Variants in HLA-DMB observed in about 807,000 individuals in gnomAD.
HLA-DMB encodes the protein major histocompatibility complex, class II, DM beta, also known as HLA class II histocompatibility antigen, DM beta chain.
Under a neutral mutation model 29.3 loss-of-function variants are expected in HLA-DMB, and 18 were observed. That is an observed-to-expected ratio of 0.62 (90% CI 0.43 to 0.91). The LOEUF (loss-of-function observed/expected upper bound fraction) is 0.91, where lower values mean the gene tolerates loss of function less well. HLA-DMB is among the 40% of genes least tolerant of loss of function. The pLI is 0.00. For missense variants in HLA-DMB, 258 were observed against 320.9 expected, an observed-to-expected ratio of 0.80 and a Z score of 1.50; for synonymous variants, 143 against 128.7, an observed-to-expected ratio of 1.11 and a Z score of -0.75.
In HLA-DMB at chr6:32,940,895, G is replaced by A. The variant is rs1472892563; in HGVS notation, c.-88C>T. The A allele has an allele frequency of 2.0e-6, 2 of 1,019,700 alleles. No individual in the cohort carries two copies. Among genetic ancestry groups the A allele is most frequent in the Non-Finnish European group, 3.0e-6 (2 of 672,352 alleles). 63.2% of individuals were successfully genotyped at this position (1,019,700 alleles called of 1,614,324 possible). ...GTCCTCGCCTGTCCCAGAAGCCCCA[G>A]CCTGGGTAGATGATCTCCAGACACT... On this transcript the variant is annotated 5_prime_UTR_variant, in exon 1 of 6. Transcript: ENST00000418107.
Position 32,940,955 on chromosome 6 carries a change from C to A in HLA-DMB, c.-148G>T. On this transcript the variant is annotated 5_prime_UTR_variant, in exon 1 of 6. Coordinates refer to ENST00000418107, the MANE Select transcript of HLA-DMB (RefSeq NM_002118.5). ...ACTATATTGCCCGGGTCCCTTGACC[C>A]CCCAAATGAGTGATGTGGGGATACC... The A allele has an allele frequency of 1.7e-6, 1 of 582,938 alleles. No individual in the cohort carries two copies. The highest frequency in any genetic ancestry group is 3.1e-6 in the Non-Finnish European group (1 of 325,582). 36.1% of individuals were successfully genotyped at this position (582,938 alleles called of 1,614,324 possible).
chr6:32,937,267 G>A lies in HLA-DMB; in HGVS notation c.527C>T (p.Thr176Ile), dbSNP rs1350355230. ...AQPNGDWTYQ[T>I]LSHLALTPSY... ...GGGGGTTAAGGCTAAATGGGAGAGGGTCTGGTATGTCCAGTCTCCATTGGG... is the reference window on the plus strand; with the variant it reads ...GGGGGTTAAGGCTAAATGGGAGAGGATCTGGTATGTCCAGTCTCCATTGGG... Residue 176 changes from threonine (T) to isoleucine (I), a missense_variant, in exon 3 of 6, where the codon ACC becomes ATC. Thr to Ile is a moderately conservative substitution (Grantham distance 89). Coordinates refer to ENST00000418107, the MANE Select transcript of HLA-DMB (RefSeq NM_002118.5). This position sits in a 1 kb window ranked among gnomAD's most constrained non-coding sequence, Gnocchi z 4.1. 1 of 1,614,148 alleles carries A rather than the reference G, an allele frequency of 6.2e-7. No homozygotes were observed. Among genetic ancestry groups the A allele is most frequent in the Non-Finnish European group, 8.5e-7 (1 of 1,180,002 alleles).
chr6:32,935,720 C>T (rs1775963060), intron 3 of HLA-DMB, 68 bp from the exon 4 acceptor site: 9 of 1,111,166 alleles, frequency 8.1e-6, no homozygotes, highest in South Asian at 7.6e-5. Context: ...CCATTTATTG[C>T]AGCCACCTCT....
At position 32,937,218 on chromosome 6, in the gene HLA-DMB, A is replaced by G; in HGVS notation, c.576T>C (p.Cys192=). Residue 192 remains cysteine (C), a synonymous_variant, in exon 3 of 6, where the codon TGT becomes TGC. Transcript: ENST00000418107. The surrounding 1 kb of genome is among the most constrained non-coding windows in gnomAD (Gnocchi z 4.1). ...LTPSYGDTYT[C]VVEHTGAPEP... ...CAGGAGCCCCAGTGTGCTCTACCACACAGGTGTAAGTGTCCCCGTAAGAGG... is the reference window on the plus strand; with the variant it reads ...CAGGAGCCCCAGTGTGCTCTACCACGCAGGTGTAAGTGTCCCCGTAAGAGG... 6.2e-7 allele frequency: 1 copy of G among 1,611,828 alleles called. No individual in the cohort carries two copies. Among genetic ancestry groups the G allele is most frequent in the African/African-American group, 1.3e-5 (1 of 74,984 alleles).
chr6:32,937,433 T>G lies in HLA-DMB; in HGVS notation c.361A>C (p.Lys121Gln). 1 of 1,614,160 alleles carries G rather than the reference T, an allele frequency of 6.2e-7. No individual in the cohort carries two copies. Among genetic ancestry groups the G allele is most frequent in the South Asian group, 1.1e-5 (1 of 91,072 alleles). The change falls in exon 3 of 6, where the codon AAA becomes CAA. Residue 121 changes from lysine to glutamine, a missense_variant. By Grantham distance (53) the Lys-to-Gln change is moderately conservative (BLOSUM62 1). Transcript: ENST00000418107. This position sits in a 1 kb window ranked among gnomAD's most constrained non-coding sequence, Gnocchi z 4.1. ...TCCCTCGTGTTAAAAGGAGTGGTTT[T>G]GGCTACTTGCACAGATGGTGGCCCT... ...RTRPPSVQVA[K>Q]TTPFNTREPV...
In HLA-DMB at chr6:32,938,758, T is replaced by A. The variant is rs766145955; in HGVS notation, c.263A>T (p.Gln88Leu). 1 of 1,604,836 alleles carries A rather than the reference T, an allele frequency of 6.2e-7. No individual in the cohort carries two copies. Among genetic ancestry groups the A allele is most frequent in the African/African-American group, 1.3e-5 (1 of 74,292 alleles). The change falls in exon 2 of 6, where the codon CAG becomes CTG. Residue 88 changes from glutamine (Q) to leucine (L), a missense_variant. Coordinates refer to ENST00000418107, the MANE Select transcript of HLA-DMB (RefSeq NM_002118.5). Reference sequence around the variant, plus strand: ...ATTCTGAAGCCCATTGCGCAAGCGCTGCATCAGGGTGTCTTTTTGGTTGAG... The same window carrying A: ...ATTCTGAAGCCCATTGCGCAAGCGCAGCATCAGGGTGTCTTTTTGGTTGAG... ...QHLNQKDTLM[Q>L]RLRNGLQNCA... is the part of the protein sequence containing the mutation.
rs1775945473 is a variant in HLA-DMB, at chr6:32,935,391, A to C, written c.740-14T>G. ...GAGGAGTGTAACCTAAGAGAGGAAG[A>C]TACTTGATTATACCAGTCTTTGTGG... On this transcript the variant is annotated splice_polypyrimidine_tract_variant and intron_variant, in intron 4 of 5. Coordinates refer to ENST00000418107, the MANE Select transcript of HLA-DMB (RefSeq NM_002118.5). The C allele has an allele frequency of 6.3e-7, 1 of 1,599,176 alleles. No homozygotes were observed. Among genetic ancestry groups the C allele is most frequent in the African/African-American group, 1.3e-5 (1 of 74,618 alleles).
chr6:32,939,052 C>T (rs966396906), intron 1 of HLA-DMB, 87 bp from the exon 2 acceptor site: 31 of 833,260 alleles, frequency 3.7e-5, no homozygotes, highest in Non-Finnish European at 4.7e-5. Context: ...TAAATATACA[C>T]AAATAATAAA....
intron 1 of HLA-DMB, among the ~76,000 whole-genome samples, chr6:32,940,128 A>G (rs1776268767): frequency 2.0e-5 from 3 of 151,984 alleles, no homozygotes; most frequent in Admixed American, 2.0e-4. Flanking sequence ...TTTTTCCTAT[A>G]TTCAGCTCAG....
chr6:32,934,729 A>C lies in HLA-DMB; in HGVS notation c.*242T>G. The C allele has an allele frequency of 1.8e-6, 1 of 570,926 alleles. No individual in the cohort carries two copies. Among genetic ancestry groups the C allele is most frequent in the South Asian group, 2.3e-5 (1 of 43,794 alleles). The allele number at this position is 570,926 out of a possible 1,614,324, so 35.4% of individuals were successfully genotyped here. Reference sequence around the variant, plus strand: ...AGGAGGGTCTTTAACTCCCTTCCTCAGATTATATTCATCCCAGAAATATAG... The same window carrying C: ...AGGAGGGTCTTTAACTCCCTTCCTCCGATTATATTCATCCCAGAAATATAG... On this transcript the variant is annotated 3_prime_UTR_variant, in exon 6 of 6. Coordinates refer to ENST00000418107, the MANE Select transcript of HLA-DMB (RefSeq NM_002118.5).
intron 3 of HLA-DMB, chr6:32,936,871 C>T (rs1776030406): frequency 6.9e-6 from 2 of 291,424 alleles, no homozygotes; most frequent in Non-Finnish European, 1.3e-5. Context: ...CAAACATAGA[C>T]GCAGCAACAT....
rs546267824 is a variant in HLA-DMB at position 32,940,148 on chromosome 6, C to G, written c.55+605G>C. On this transcript the variant is annotated intron_variant, in intron 1 of 5. Transcript: ENST00000418107. ...CCTATATTCAGCTCAGAACCTAAGC[C>G]TTGGTGACATCCAGCTAGTCTGGCA... Among the ~76,000 whole-genome samples, 4 of 151,954 alleles carry G rather than the reference C, an allele frequency of 2.6e-5. No homozygotes were observed. The South Asian group carries it at 8.3e-4, about 32-fold the overall frequency.
chr6:32,938,271 C>G (rs1207484420), intron 2 of HLA-DMB: 1 of 173,614 alleles, frequency 5.8e-6, no homozygotes, highest in Non-Finnish European at 1.2e-5. Context: ...TCACAAACTT[C>G]AAGCCATTGT....
chr6:32,935,042 G>T, intron 5 of HLA-DMB, 55 bp from the exon 6 acceptor site: 1 of 1,597,442 alleles, frequency 6.3e-7, no homozygotes, highest in African/African-American at 1.3e-5. Flanking sequence ...TGCCCCCATC[G>T]TTTGTCACTG....
rs113618017 is a variant in HLA-DMB at position 32,934,833 on chromosome 6, G to A, written c.*138C>T. 6.4e-5 allele frequency: 59 copies of A among 919,454 alleles called. No individual in the cohort carries two copies. In the East Asian group the frequency reaches 1.2e-3, roughly 19 times the overall value. 57.0% of individuals were successfully genotyped at this position (919,454 alleles called of 1,614,324 possible). ...TGCTAAGTTTTACATAGGGGAGACT[G>A]GGAAATTCAAAGAATTGGATGGAGA... is the stretch of plus-strand genomic sequence containing the variant. On this transcript the variant is annotated 3_prime_UTR_variant, in exon 6 of 6. Coordinates refer to ENST00000418107, the MANE Select transcript of HLA-DMB (RefSeq NM_002118.5).
intron 1 of HLA-DMB, 51 bp downstream of exon 1, chr6:32,940,702 C>A: frequency 6.8e-7 from 1 of 1,476,142 alleles, no homozygotes. Context: ...AACACCCTTA[C>A]CCTGAAACAG....
chr6:32,939,509 T>C (rs1310676888), intron 1 of HLA-DMB, among the ~76,000 whole-genome samples: 1 of 152,218 alleles, frequency 6.6e-6, no homozygotes, highest in Admixed American at 6.5e-5. Context: ...TTGTATGCTT[T>C]AAAATATCCT....
chr6:32,940,260 G>A (rs1316195946), intron 1 of HLA-DMB, among the ~76,000 whole-genome samples: 3 of 152,122 alleles, frequency 2.0e-5, no homozygotes, highest in Admixed American at 6.5e-5. Flanking sequence ...AGTAGAAGTA[G>A]TAGATAAGTT....
In HLA-DMB at chr6:32,935,609, A is replaced by G; in HGVS notation, c.666T>C (p.Ser222=). The change falls in exon 4 of 6, where the codon TCT becomes TCC. Residue 222 remains serine, a synonymous_variant. Transcript: ENST00000418107. ...TGAGGCCCAGGCCCAGAGTCACTGC[A>G]GACACAGAAACCTTCAGGGTCTGCA... ...SPMQTLKVSV[S]AVTLGLGLII... 1 of 1,613,060 alleles carries G rather than the reference A, an allele frequency of 6.2e-7. No individual in the cohort carries two copies. Among genetic ancestry groups the G allele is most frequent in the Non-Finnish European group, 8.5e-7 (1 of 1,180,024 alleles).
Sources: gnomAD v4.1 joint callset for allele counts (sites outside exome capture counted in the v4.1 genomes callset) on GRCh38, gnomAD v4.1.1 for gene constraint, Gnocchi (gnomAD v3.1) non-coding constraint, MANE v1.5 for transcripts, NCBI Gene and HGNC (gene_info 2026-07-23, HGNC 2026-07-21) for gene names.